NELL1: variants seen among roughly 807,000 people sequenced by gnomAD.
The protein encoded by NELL1 is protein kinase C-binding protein NELL1.
Under a neutral mutation model 107.4 loss-of-function variants are expected in NELL1, and 76 were observed. The ratio of observed to expected loss-of-function variants is 0.71; its 90% CI spans 0.59 to 0.86. The LOEUF is 0.86. NELL1 is among the 40% of genes least tolerant of loss of function. The probability of loss-of-function intolerance (pLI) is 0.00; values close to 1 mark genes in which losing one functional copy is unlikely to be tolerated. For missense variants in NELL1, 1,024 were observed against 1,005.5 expected, an observed-to-expected ratio of 1.02 and a Z score of -0.25; for synonymous variants, 353 against 341.2, an observed-to-expected ratio of 1.03 and a Z score of -0.38.
At chr11:21,100,755 C>T (rs1371512577) in intron 12 of NELL1, among the ~76,000 whole-genome samples, 2 of 152,096 alleles carry the variant, frequency 1.3e-5, no homozygotes, top group African/African-American at 4.8e-5. Context: ...TTGCTTAATT[C>T]TATTTTATAT....
chr11:21,425,210 A>G (rs1207174901), intron 15 of NELL1, among the ~76,000 whole-genome samples: 1 of 152,176 alleles, frequency 6.6e-6, no homozygotes, highest in Non-Finnish European at 1.5e-5. Context: ...ATGACTCAAC[A>G]AATTCCCAAA....
intron 12 of NELL1, among the ~76,000 whole-genome samples, chr11:21,102,026 T>C (rs144207204): frequency 6.6e-6 from 1 of 152,132 alleles, no homozygotes. Context: ...CTAATTTTTG[T>C]GTTTTTAGTA....
intron 5 of NELL1, among the ~76,000 whole-genome samples, chr11:20,896,777 CAG>C (rs1377357420): frequency 6.6e-6 from 1 of 152,110 alleles, no homozygotes; most frequent in African/African-American, 2.4e-5. Flanking sequence ...AACAGACAAA[CAG>C]AGAGCCAAAT....
intron 2 of NELL1, among the ~76,000 whole-genome samples, chr11:20,707,230 C>A (rs570193879): frequency 2.0e-5 from 3 of 152,282 alleles, no homozygotes; most frequent in African/African-American, 7.2e-5. Flanking sequence ...TTAAGGTCTT[C>A]TTGGTGCTGT....
In NELL1 at chr11:21,001,445, G is replaced by A. The variant is rs374851472; in HGVS notation, c.1300+40885G>A. ...TTCACTGATGTCTGACTCACCACTT[G>A]CCAACCTGAAGAGTGACAGCTGATG... On this transcript the variant is annotated intron_variant, in intron 12 of 19. Coordinates refer to ENST00000357134, the MANE Select transcript of NELL1 (RefSeq NM_006157.5). Among the ~76,000 whole-genome samples the A allele has an allele frequency of 2.2e-4, 33 of 151,518 alleles. No homozygotes were observed. In the South Asian group the frequency reaches 6.9e-3, roughly 32 times the overall value.
chr11:21,076,951 G>A (rs1854150790), intron 12 of NELL1, among the ~76,000 whole-genome samples: 1 of 152,008 alleles, frequency 6.6e-6, no homozygotes, highest in Non-Finnish European at 1.5e-5. Context: ...CTATGCTTCT[G>A]TATAGCCTGC....
chr11:21,220,437 G>A (rs1333496999), intron 13 of NELL1, among the ~76,000 whole-genome samples: 3 of 152,150 alleles, frequency 2.0e-5, no homozygotes, highest in South Asian at 2.1e-4. Flanking sequence ...AATAGCTATT[G>A]CATTGAATCT....
At chr11:20,835,239 T>C (rs2134042187) in intron 3 of NELL1, among the ~76,000 whole-genome samples, 1 of 152,310 alleles carries the variant, frequency 6.6e-6, no homozygotes, top group Non-Finnish European at 1.5e-5. Flanking sequence ...CAAGGATGTA[T>C]TGTTGTCTAT....
At chr11:20,870,892 G>A (rs975018191) in intron 4 of NELL1, among the ~76,000 whole-genome samples, 1 of 152,164 alleles carries the variant, frequency 6.6e-6, no homozygotes, top group Non-Finnish European at 1.5e-5. Flanking sequence ...TTAAAAGAAA[G>A]AGCCCCAAAC....
intron 4 of NELL1, among the ~76,000 whole-genome samples, chr11:20,865,587 G>A (rs1216835160): frequency 1.3e-5 from 2 of 152,164 alleles, no homozygotes; most frequent in Non-Finnish European, 2.9e-5. Context: ...GGAAGAACAG[G>A]CAGGGGAAGG....
At chr11:21,570,387 G>C (rs910864421) in intron 17 of NELL1, among the ~76,000 whole-genome samples, 3 of 151,792 alleles carry the variant, frequency 2.0e-5, no homozygotes, top group Admixed American at 6.6e-5. Context: ...ATTTGAATAT[G>C]TTAAGTGGTA....
At chr11:21,366,476 A>G (rs1480760580) in intron 14 of NELL1, among the ~76,000 whole-genome samples, 1 of 152,256 alleles carries the variant, frequency 6.6e-6, no homozygotes, top group Admixed American at 6.5e-5. Flanking sequence ...TTATTTATTT[A>G]AACAGTTATT....
At chr11:21,451,884 A>G (rs960963170) in intron 15 of NELL1, among the ~76,000 whole-genome samples, 8 of 152,194 alleles carry the variant, frequency 5.3e-5, no homozygotes, top group Middle Eastern at 3.4e-3. Context: ...GGAGGGAGGG[A>G]AGAAGAGATG....
intron 14 of NELL1, among the ~76,000 whole-genome samples, chr11:21,230,871 G>T (rs1219835359): frequency 6.6e-6 from 1 of 152,030 alleles, no homozygotes; most frequent in African/African-American, 2.4e-5. Context: ...GTATTCTACT[G>T]ATTCCATCAA....
chr11:21,091,798 A>G (rs929328144), intron 12 of NELL1, among the ~76,000 whole-genome samples: 11 of 152,244 alleles, frequency 7.2e-5, no homozygotes, highest in Admixed American at 6.5e-5. Context: ...AGATGCATGC[A>G]CAATGACAAT....
intron 15 of NELL1, among the ~76,000 whole-genome samples, chr11:21,420,165 T>C (rs1293761611): frequency 6.6e-6 from 1 of 152,134 alleles, no homozygotes; most frequent in Non-Finnish European, 1.5e-5. Flanking sequence ...AATGTAGTTA[T>C]TAAGCTTATC....
chr11:20,782,168 G>A (rs537782071), intron 2 of NELL1, among the ~76,000 whole-genome samples: 9 of 152,192 alleles, frequency 5.9e-5, no homozygotes, highest in Non-Finnish European at 1.2e-4. Context: ...ATCTTTGGCT[G>A]GGATTTTGTA....
chr11:21,048,337 A>C (rs1374401072), intron 12 of NELL1, among the ~76,000 whole-genome samples: 1 of 152,138 alleles, frequency 6.6e-6, no homozygotes, highest in Non-Finnish European at 1.5e-5. Flanking sequence ...CTAGGAAGTT[A>C]TCTGTTTCCT....
intron 14 of NELL1, among the ~76,000 whole-genome samples, chr11:21,315,414 A>G (rs1196678882): frequency 6.6e-6 from 1 of 152,020 alleles, no homozygotes; most frequent in African/African-American, 2.4e-5. Flanking sequence ...TGGCCAAGGA[A>G]AGCAGTGCAC....
Sources: allele counts gnomAD v4.1 joint callset (sites outside exome capture counted in the v4.1 genomes callset), GRCh38; gene constraint gnomAD v4.1.1; transcripts MANE v1.5; gene names NCBI Gene and HGNC (gene_info 2026-07-23, HGNC 2026-07-21).